Variants in PFKFB2 observed in about 807,000 individuals in gnomAD.
The protein encoded by PFKFB2 is 6-phosphofructo-2-kinase/fructose-2,6-biphosphatase 2, also known as 6-phosphofructo-2-kinase/fructose-2,6-bisphosphatase 2.
In PFKFB2, 53 loss-of-function variants were observed where a neutral mutation model predicts 68.0. The ratio of observed to expected loss-of-function variants is 0.78; its 90% CI spans 0.63 to 0.98. The LOEUF is 0.98. Ranked by LOEUF, PFKFB2 falls within the 50% of genes least tolerant of loss-of-function variation. The probability of loss-of-function intolerance (pLI) is 0.00; values close to 1 mark genes in which losing one functional copy is unlikely to be tolerated. For missense variants in PFKFB2, 451 were observed against 642.0 expected (o/e 0.70, Z 3.22); for synonymous variants, 222 against 227.6 (o/e 0.98, Z 0.22).
intron 2 of PFKFB2, 45 bp downstream of exon 2, chr1:207,054,847 A>C: frequency 3.9e-6 from 5 of 1,298,666 alleles, no homozygotes; most frequent in Non-Finnish European, 4.4e-6. Flanking sequence ...TCAGCATTTT[A>C]TCTTGGGAAT....
At position 207,065,045 on chromosome 1, in the gene PFKFB2, G is replaced by T. The variant is rs1373908319; in HGVS notation, c.517G>T (p.Val173Leu). Residue 173 changes from valine (V) to leucine (L), a missense_variant, in exon 8 of 15, where the codon GTA (valine) becomes TTA (leucine). Val to Leu is a conservative substitution (Grantham distance 32, BLOSUM62 1). Transcript: ENST00000367080. ...VIAANILEVK[V>L]SSPDYPERNR... ...GTTCCTATGATTTCAGGAGGTTAAGGTATCAAGCCCTGACTATCCTGAAAG... is the reference window on the plus strand; with the variant it reads ...GTTCCTATGATTTCAGGAGGTTAAGTTATCAAGCCCTGACTATCCTGAAAG... 1 of 1,613,724 alleles carries T rather than the reference G, an allele frequency of 6.2e-7. No individual in the cohort carries two copies. The highest frequency in any genetic ancestry group is 8.5e-7 in the Non-Finnish European group (1 of 1,179,882).
chr1:207,053,886 C>T (rs970489555), intron 1 of PFKFB2, among the ~76,000 whole-genome samples: 2 of 147,434 alleles, frequency 1.4e-5, no homozygotes, highest in African/African-American at 5.0e-5. Flanking sequence ...TCTTTTCTTT[C>T]TTTCTTTTTC....
At chr1:207,059,797 C>T (rs962007692) in intron 2 of PFKFB2, among the ~76,000 whole-genome samples, 1 of 152,184 alleles carries the variant, frequency 6.6e-6, no homozygotes, top group African/African-American at 2.4e-5. Context: ...TCCCACTTCT[C>T]CATTGAGATC....
rs1262410873 is a variant in PFKFB2 at position 207,042,612 on chromosome 1, AG to A, written c.-18+401del. On this transcript the variant is annotated intron_variant, in intron 2 of 5. Transcript: ENST00000545806. ...TTGCTTCCTTTTTCCTGCTCTTTCA[AG>A]TATTAAAATGCAGCTATTTTTGCAA... Among the ~76,000 whole-genome samples the A allele has an allele frequency of 2.0e-5, 3 of 148,524 alleles. No individual in the cohort carries two copies. In the East Asian group the frequency reaches 5.9e-4, roughly 29 times the overall value.
chr1:207,060,037 G>C (rs1027640793), intron 2 of PFKFB2, among the ~76,000 whole-genome samples: 2 of 152,310 alleles, frequency 1.3e-5, no homozygotes, highest in African/African-American at 4.8e-5. Context: ...GGCAGAGCCT[G>C]AGCTATCCCA....
chr1:207,037,447 T>C (rs1682397373), intron 1 of PFKFB2, among the ~76,000 whole-genome samples: 1 of 152,184 alleles, frequency 6.6e-6, no homozygotes, highest in Non-Finnish European at 1.5e-5. Flanking sequence ...CTCTCTACCT[T>C]CTCTCTTCCA....
downstream of PFKFB2, among the ~76,000 whole-genome samples, chr1:207,078,575 A>G (rs12088688): frequency 0.051 from 7,738 of 152,288 alleles, 625 homozygotes; most frequent in African/African-American, 0.17. Context: ...CTCAGAAGCC[A>G]AGTAGCCCCT....
upstream of PFKFB2, chr1:207,048,444 A>C (rs1377268529): frequency 6.5e-6 from 1 of 154,032 alleles, no homozygotes; most frequent in Non-Finnish European, 1.4e-5. Flanking sequence ...AATTCTGAGT[A>C]TCTTCATTTG....
chr1:207,054,851 T>G, intron 2 of PFKFB2, 49 bp downstream of exon 2: 2 of 1,291,014 alleles, frequency 1.5e-6, no homozygotes, highest in East Asian at 2.3e-5. Flanking sequence ...CATTTTATCT[T>G]GGGAATATAG....
chr1:207,047,739 A>C (rs1465579917), intron 2 of PFKFB2: 4 of 152,628 alleles, frequency 2.6e-5, no homozygotes. Context: ...TACTAGGAAG[A>C]AGCAGAATTC....
chr1:207,050,992 G>C (rs765201156), upstream of PFKFB2: 3 of 1,533,152 alleles, frequency 2.0e-6, no homozygotes, highest in African/African-American at 1.4e-5. Context: ...CAGGCGCCGG[G>C]TGGACTCCAA....
upstream of PFKFB2, chr1:207,049,088 A>C: frequency 6.2e-7 from 1 of 1,613,710 alleles, no homozygotes; most frequent in Non-Finnish European, 8.5e-7. Context: ...TGTCCAGTTA[A>C]TCCTTTCTGA....
chr1:207,059,205 G>A (rs570321495), intron 2 of PFKFB2, among the ~76,000 whole-genome samples: 5 of 152,196 alleles, frequency 3.3e-5, no homozygotes, highest in Admixed American at 1.3e-4. Context: ...CTGTCCACAT[G>A]GGTAAACAAG....
upstream of PFKFB2, chr1:207,051,131 T>G: frequency 7.0e-7 from 1 of 1,421,058 alleles, no homozygotes; most frequent in Non-Finnish European, 9.2e-7. Context: ...ACAACTGATT[T>G]TTCCCCCACC....
intron 2 of PFKFB2, among the ~76,000 whole-genome samples, chr1:207,043,569 G>C (rs1056534610): frequency 6.6e-6 from 1 of 152,088 alleles, no homozygotes; most frequent in Non-Finnish European, 1.5e-5. Flanking sequence ...TAAATATTAA[G>C]CCTTTCCACA....
rs189937703 is a variant in PFKFB2, at chr1:207,065,200, G to A, written c.632+40G>A. ...CATGGTTTGAAGGGCCCAAGGCAAA[G>A]GTCTCATCTGGGAAAATAACCTTTC... On this transcript the variant is annotated intron_variant, in intron 8 of 14. Coordinates refer to ENST00000367080, the MANE Select transcript of PFKFB2 (RefSeq NM_006212.2). 175 of 1,605,324 alleles carry A rather than the reference G, an allele frequency of 1.1e-4. No individual in the cohort carries two copies. In the African/African-American group the frequency reaches 1.7e-3, roughly 16 times the overall value.
chr1:207,062,279 A>T (rs778606633), intron 3 of PFKFB2, among the ~76,000 whole-genome samples: 3 of 152,178 alleles, frequency 2.0e-5, no homozygotes, highest in Non-Finnish European at 2.9e-5. Flanking sequence ...TTTTGAGGGA[A>T]TGCCTTTGAT....
rs1178341185 is a variant in PFKFB2 at position 207,057,047 on chromosome 1, G to A, written c.85+2245G>A. Among the ~76,000 whole-genome samples, 14 of 152,156 alleles carry A rather than the reference G, an allele frequency of 9.2e-5. No homozygotes were observed. In the East Asian group the frequency reaches 2.5e-3, roughly 27 times the overall value. On this transcript the variant is annotated intron_variant, in intron 2 of 14. Transcript: ENST00000367080. ...ATGACTTTAGGGAGCCAAAACCTCC[G>A]AAGGAGCATTACTGGGACTTCAACT...
At chr1:207,068,589 A>T (rs980596044) in intron 10 of PFKFB2, among the ~76,000 whole-genome samples, 4 of 152,062 alleles carry the variant, frequency 2.6e-5, no homozygotes, top group African/African-American at 4.8e-5. Context: ...ACAAGGACTC[A>T]TTTTGTTCCT....
Sources: allele counts gnomAD v4.1 joint callset (sites outside exome capture counted in the v4.1 genomes callset), GRCh38; gene constraint gnomAD v4.1.1; transcripts MANE v1.5; gene names NCBI Gene and HGNC (gene_info 2026-07-23, HGNC 2026-07-21).